ARNT2: variants seen among roughly 807,000 people sequenced by gnomAD.
The protein encoded by ARNT2 is aryl hydrocarbon receptor nuclear translocator 2, also known as ARNT protein 2.
Under a neutral mutation model 91.7 loss-of-function variants are expected in ARNT2, and 36 were observed. The ratio of observed to expected loss-of-function variants is 0.39; its 90% CI spans 0.30 to 0.52. The LOEUF is 0.52. Among genes scored for constraint, ARNT2 ranks in the 20% least tolerant of loss-of-function variants. ARNT2 has a pLI of 0.72. For synonymous variants in ARNT2, 365 were observed against 347.1 expected (o/e 1.05, Z -0.57); for missense variants, 775 against 939.3 (o/e 0.83, Z 2.29).
intron 8 of ARNT2, among the ~76,000 whole-genome samples, 196 bp downstream of exon 8, chr15:80,514,601 G>A (rs1897401671): frequency 6.6e-6 from 1 of 152,132 alleles, no homozygotes; most frequent in Non-Finnish European, 1.5e-5. Context: ...AGAGCTAATT[G>A]TGCAACCAGA....
intron 3 of ARNT2, among the ~76,000 whole-genome samples, chr15:80,460,449 C>T (rs1896536112): frequency 6.6e-6 from 1 of 152,224 alleles, no homozygotes; most frequent in African/African-American, 2.4e-5. Context: ...GGTGCACACA[C>T]AAGCACGCAC....
chr15:80,591,876 G>A lies in ARNT2; in HGVS notation c.2055+172G>A, dbSNP rs546444272. 5.5e-5 allele frequency: 35 copies of A among 639,752 alleles called. No homozygotes were observed. Among genetic ancestry groups the A allele is most frequent in the Middle Eastern group, 7.8e-4 (1 of 1,286 alleles). The allele number at this position is 639,752 out of a possible 1,614,324, so 39.6% of individuals were successfully genotyped here. ...AGCCCCATCCTACCCAGCCAGAAAC[G>A]TCAGGTGCATGTGGGAAGGAGAAGG... On this transcript the variant is annotated intron_variant, in intron 18 of 18. Coordinates refer to ENST00000303329, the MANE Select transcript of ARNT2 (RefSeq NM_014862.4). This position sits in a 1 kb window ranked among gnomAD's most constrained non-coding sequence, Gnocchi z 5.1.
intron 8 of ARNT2, among the ~76,000 whole-genome samples, chr15:80,530,051 T>G (rs2141440705): frequency 6.6e-6 from 1 of 152,346 alleles, no homozygotes; most frequent in Admixed American, 6.5e-5. Flanking sequence ...TGGCTCTAAT[T>G]CCTTAACTCG....
rs1279547637 is a variant in ARNT2, at chr15:80,528,836, A to AC, written c.877+14433dup. On this transcript the variant is annotated intron_variant, in intron 8 of 18. Coordinates refer to ENST00000303329, the MANE Select transcript of ARNT2 (RefSeq NM_014862.4). The stretch of plus-strand genomic sequence containing the variant: ...CCTGCAGAACTGTGAGCCAAATCAA[A>AC]CCTATTTTCTTTATAAATTACCCAG... Among the ~76,000 whole-genome samples the AC allele has an allele frequency of 2.0e-5, 3 of 152,260 alleles. No individual in the cohort carries two copies. In the East Asian group the frequency reaches 5.8e-4, roughly 29 times the overall value.
chr15:80,405,094 C>T (rs896406913), intron 1 of ARNT2, among the ~76,000 whole-genome samples: 2 of 152,188 alleles, frequency 1.3e-5, no homozygotes, highest in Non-Finnish European at 2.9e-5. Flanking sequence ...CACAAAACAC[C>T]CAGCCTGTGG....
At chr15:80,510,627 A>G (rs1274323741) in intron 6 of ARNT2, among the ~76,000 whole-genome samples, 1 of 151,788 alleles carries the variant, frequency 6.6e-6, no homozygotes, top group Non-Finnish European at 1.5e-5. Flanking sequence ...TCAAGAGATC[A>G]AGACTATCCT....
chr15:80,430,669 G>A (rs1157273968), intron 1 of ARNT2, among the ~76,000 whole-genome samples: 1 of 152,220 alleles, frequency 6.6e-6, no homozygotes, highest in Non-Finnish European at 1.5e-5. Flanking sequence ...CTTCATGGGT[G>A]TTGGTTGTGA....
At chr15:80,409,786 G>T (rs1895654949) in intron 1 of ARNT2, among the ~76,000 whole-genome samples, 1 of 152,212 alleles carries the variant, frequency 6.6e-6, no homozygotes, top group Non-Finnish European at 1.5e-5. Flanking sequence ...GTCAGTGAAA[G>T]CCTCTCTGAG....
chr15:80,439,449 T>C (rs1306897556), intron 1 of ARNT2, among the ~76,000 whole-genome samples: 2 of 152,228 alleles, frequency 1.3e-5, no homozygotes, highest in Non-Finnish European at 2.9e-5. Flanking sequence ...GGGCAAATAG[T>C]GTAGCTGAAG....
intron 1 of ARNT2, among the ~76,000 whole-genome samples, chr15:80,413,259 C>T (rs1895714315): frequency 6.6e-6 from 1 of 152,208 alleles, no homozygotes; most frequent in African/African-American, 2.4e-5. Context: ...CCTCCACCCC[C>T]TCCCTTACCA....
intron 8 of ARNT2, among the ~76,000 whole-genome samples, chr15:80,541,008 G>A (rs909382244): frequency 2.6e-5 from 4 of 152,200 alleles, no homozygotes; most frequent in Admixed American, 1.3e-4. Context: ...TATATACCCA[G>A]TAATGGGATT....
At chr15:80,500,223 A>C (rs1160111618) in intron 5 of ARNT2, among the ~76,000 whole-genome samples, 5 of 152,178 alleles carry the variant, frequency 3.3e-5, no homozygotes, top group African/African-American at 1.2e-4. Context: ...ACTGGGGTCA[A>C]CCTTTTGAGA....
chr15:80,489,804 AC>A (rs1897027362), intron 5 of ARNT2, among the ~76,000 whole-genome samples: 1 of 152,180 alleles, frequency 6.6e-6, no homozygotes, highest in South Asian at 2.1e-4. Context: ...GGGTGGACTC[AC>A]CGACAGCCAT....
At chr15:80,517,125 A>G (rs2141430719) in intron 8 of ARNT2, among the ~76,000 whole-genome samples, 1 of 152,086 alleles carries the variant, frequency 6.6e-6, no homozygotes. Context: ...TATTTCTTAC[A>G]GGGCAGCATT....
intron 3 of ARNT2, among the ~76,000 whole-genome samples, chr15:80,459,767 A>G (rs1156587414): frequency 1.3e-5 from 2 of 152,198 alleles, no homozygotes; most frequent in East Asian, 3.9e-4. Context: ...GCATCTGTGA[A>G]CCATATCATT....
At chr15:80,507,119 G>A (rs1373889096) in intron 5 of ARNT2, among the ~76,000 whole-genome samples, 3 of 152,170 alleles carry the variant, frequency 2.0e-5, no homozygotes, top group Non-Finnish European at 2.9e-5. Flanking sequence ...GGCCAGAGAA[G>A]ATCTTTTGCT....
rs1595957787 is a variant in ARNT2 at position 80,428,272 on chromosome 15, G to A, written c.32-22608G>A. Among the ~76,000 whole-genome samples, 3 of 152,200 alleles carry A rather than the reference G, an allele frequency of 2.0e-5. No homozygotes were observed. In the South Asian group the frequency reaches 6.2e-4, roughly 32 times the overall value. ...AGGGAAATTATTGAACAGTGTAATC[G>A]ATATTCATATGTCCATTGCAATTTT... On this transcript the variant is annotated intron_variant, in intron 1 of 18. Transcript: ENST00000303329.
At chr15:80,489,237 T>C (rs1467650108) in intron 5 of ARNT2, among the ~76,000 whole-genome samples, 1 of 152,282 alleles carries the variant, frequency 6.6e-6, no homozygotes, top group African/African-American at 2.4e-5. Context: ...TGAAATGTCA[T>C]GACTCATGCC....
intron 8 of ARNT2, among the ~76,000 whole-genome samples, chr15:80,549,913 C>T (rs1483842682): frequency 6.6e-6 from 1 of 152,222 alleles, no homozygotes. Flanking sequence ...TTCATTGCAG[C>T]ATTGTTTCTC....
Sources: allele counts gnomAD v4.1 joint callset (sites outside exome capture counted in the v4.1 genomes callset), GRCh38; gene constraint gnomAD v4.1.1; non-coding constraint Gnocchi (gnomAD v3.1); transcripts MANE v1.5; gene names NCBI Gene and HGNC (gene_info 2026-07-23, HGNC 2026-07-21).